CHL1: variants seen among roughly 807,000 people sequenced by gnomAD.
CHL1 encodes the protein cell adhesion molecule L1 like.
A neutral mutation model predicts 141.9 loss-of-function variants in CHL1; 96 were observed. That is an observed-to-expected ratio of 0.68 (90% confidence interval 0.57 to 0.80). The LOEUF (loss-of-function observed/expected upper bound fraction) is 0.80, where lower values mean the gene tolerates loss of function less well. CHL1 is among the 30% of genes least tolerant of loss of function. The pLI, the probability that CHL1 is intolerant of heterozygous loss-of-function variation, is 0.00. For missense variants in CHL1, 1,820 were observed against 1,457.2 expected (o/e 1.25, Z -4.05); for synonymous variants, 613 against 502.2 (o/e 1.22, Z -2.95).
At chr3:304,949 C>G (rs946379420) in intron 2 of CHL1, among the ~76,000 whole-genome samples, 2 of 151,960 alleles carry the variant, frequency 1.3e-5, no homozygotes, top group South Asian at 4.1e-4. Context: ...TTGGTGGGAG[C>G]TTTTATTTTA....
At chr3:215,600 G>A (rs984565478) in intron 1 of CHL1, among the ~76,000 whole-genome samples, 4 of 152,130 alleles carry the variant, frequency 2.6e-5, no homozygotes, top group African/African-American at 4.8e-5. Context: ...ACGGATATGC[G>A]AAAGCCAATG....
In CHL1 at chr3:390,990, A is replaced by G. The variant is rs565605969; in HGVS notation, c.2622A>G (p.Gly874=). The change falls in exon 22 of 28, where the codon GGA becomes GGG. Residue 874 remains glycine, a synonymous_variant. Transcript: ENST00000256509. ...NWWKTKSLLD[G]RTHPKEVNIL... ...GGAAAACAAAAAGTCTGTTGGATGGAAGAACACATCCCAAAGAAGTGAACA... is the reference window on the plus strand; with the variant it reads ...GGAAAACAAAAAGTCTGTTGGATGGGAGAACACATCCCAAAGAAGTGAACA... The G allele has an allele frequency of 6.2e-7, 1 of 1,614,202 alleles. No homozygotes were observed. Among genetic ancestry groups the G allele is most frequent in the Admixed American group, 1.7e-5 (1 of 60,034 alleles).
At position 308,596 on chromosome 3, in the gene CHL1, CTA is replaced by C. The variant is rs1301604524; in HGVS notation, c.-94-11083_-94-11082del. The C allele has an allele frequency of 2.7e-5, 4 of 149,670 alleles. No individual in the cohort carries two copies. In the Admixed American group the frequency reaches 2.7e-4, roughly 10 times the overall value. The allele number at this position is 149,670 out of a possible 1,614,324, so 9.3% of individuals were successfully genotyped here. A position where few individuals can be genotyped will look rare whatever the true frequency, so the allele number is the denominator to read the frequency against. On this transcript the variant is annotated intron_variant, in intron 2 of 27. Transcript: ENST00000256509. ...GGGAGATTATATATATAGATAATAT[CTA>C]TATTATAGAACATATATATGTTATA...
chr3:377,084 A>G (rs1706420692), intron 15 of CHL1, among the ~76,000 whole-genome samples: 1 of 152,216 alleles, frequency 6.6e-6, no homozygotes. Context: ...TACATTTTAA[A>G]TTTTACGGAA....
At chr3:393,224 C>A (rs1559353622) in intron 23 of CHL1, among the ~76,000 whole-genome samples, 1 of 38,652 alleles carries the variant, frequency 2.6e-5, no homozygotes, top group African/African-American at 5.8e-5. Flanking sequence ...CAGAGCCAGA[C>A]TCCGTCTCAA....
chr3:206,901 G>A (rs532338243), intron 1 of CHL1, among the ~76,000 whole-genome samples: 10 of 152,256 alleles, frequency 6.6e-5, no homozygotes, highest in Admixed American at 3.9e-4. Context: ...ATTGCATTTC[G>A]CGGTTGGCAT....
intron 1 of CHL1, among the ~76,000 whole-genome samples, chr3:228,158 G>A (rs568739359): frequency 1.3e-5 from 2 of 152,234 alleles, no homozygotes; most frequent in African/African-American, 4.8e-5. Flanking sequence ...TAATGTTATT[G>A]GAATGTATAG....
At chr3:263,104 C>A (rs933100124) in intron 2 of CHL1, among the ~76,000 whole-genome samples, 2 of 152,190 alleles carry the variant, frequency 1.3e-5, no homozygotes, top group African/African-American at 2.4e-5. Context: ...CTGAAGATTT[C>A]TCTGCTAAAT....
rs1044779852 is a variant in CHL1 at position 382,090 on chromosome 3, C to G, written c.1877-89C>G. 5 of 1,117,526 alleles carry G rather than the reference C, an allele frequency of 4.5e-6. No individual in the cohort carries two copies. The African/African-American group carries it at 4.6e-5, about 10-fold the overall frequency. 69.2% of individuals were successfully genotyped at this position (1,117,526 alleles called of 1,614,324 possible). On this transcript the variant is annotated intron_variant, in intron 16 of 27. Transcript: ENST00000256509. ...GGTCCCTAAGAGGGTGGTACCTCCTCTGTCTCCGGGTAGCTGGCAATGTGT... is the reference window on the plus strand; with the variant it reads ...GGTCCCTAAGAGGGTGGTACCTCCTGTGTCTCCGGGTAGCTGGCAATGTGT...
chr3:391,054 C>G lies in CHL1; in HGVS notation c.2686C>G (p.Pro896Ala). Residue 896 changes from proline (P) to alanine (A), a missense_variant, in exon 22 of 28, where the codon CCT becomes GCT. Physicochemically the swap from Pro to Ala is conservative, Grantham distance 27. Coordinates refer to ENST00000256509, the MANE Select transcript of CHL1 (RefSeq NM_006614.4). ...FSGQRNSGMVPSLDAFSEFHL... is the reference protein window; with the variant it reads ...FSGQRNSGMVASLDAFSEFHL... ...AGGACAAAGAAACTCTGGAATGGTTCCTTCCTTAGATGCCTTTAGTGAATT... is the reference window on the plus strand; with the variant it reads ...AGGACAAAGAAACTCTGGAATGGTTGCTTCCTTAGATGCCTTTAGTGAATT... 1 of 1,613,608 alleles carries G rather than the reference C, an allele frequency of 6.2e-7. No individual in the cohort carries two copies. Among genetic ancestry groups the G allele is most frequent in the Non-Finnish European group, 8.5e-7 (1 of 1,179,510 alleles).
intron 7 of CHL1, 98 bp from the exon 8 acceptor site, chr3:342,886 T>A: frequency 3.4e-6 from 3 of 893,882 alleles, no homozygotes; most frequent in Non-Finnish European, 3.4e-6. Context: ...TACATCATTT[T>A]GTAATTTTTC....
intron 2 of CHL1, among the ~76,000 whole-genome samples, chr3:281,372 T>A (rs1696638253): frequency 1.3e-5 from 2 of 152,174 alleles, no homozygotes; most frequent in South Asian, 4.1e-4. Flanking sequence ...TACTGTGCTA[T>A]CCTCTGGTTC....
chr3:221,042 T>C (rs1468801907), intron 1 of CHL1, among the ~76,000 whole-genome samples: 1 of 152,224 alleles, frequency 6.6e-6, no homozygotes, highest in African/African-American at 2.4e-5. Context: ...CTCCTTGGAC[T>C]AGTTGCCAAT....
chr3:276,625 C>A (rs533212417), intron 2 of CHL1, among the ~76,000 whole-genome samples: 16 of 152,162 alleles, frequency 1.1e-4, no homozygotes, highest in Admixed American at 8.5e-4. Flanking sequence ...CACGGTGGCT[C>A]ACACCTGTAA....
Position 341,913 on chromosome 3 carries a change from A to G in CHL1, c.510A>G (p.Glu170=). The part of the protein sequence containing the change: ...PPLHIYWMNI[E]LEHIEQDERV... ...CAATGGCAAGATATCTCTTTTCAGA[A>G]TTAGAACACATCGAACAAGATGAAA... The change falls in exon 7 of 28, where the codon GAA becomes GAG. Residue 170 remains glutamate, a splice_region_variant and synonymous_variant. Transcript: ENST00000256509. 1.3e-6 allele frequency: 2 copies of G among 1,599,596 alleles called. No individual in the cohort carries two copies. Among genetic ancestry groups the G allele is most frequent in the East Asian group, 2.2e-5 (1 of 44,482 alleles).
chr3:277,669 T>C (rs1033988718), intron 2 of CHL1, among the ~76,000 whole-genome samples: 5 of 152,230 alleles, frequency 3.3e-5, no homozygotes, highest in Admixed American at 2.6e-4. Context: ...ATATTGCGAA[T>C]TCAAGGAAAA....
At chr3:335,508 A>C (rs569596702) in intron 5 of CHL1, among the ~76,000 whole-genome samples, 1 of 152,216 alleles carries the variant, frequency 6.6e-6, no homozygotes, top group African/African-American at 2.4e-5. Flanking sequence ...ATGTGCACTC[A>C]GTAGCATGCA....
intron 1 of CHL1, among the ~76,000 whole-genome samples, chr3:227,638 A>G (rs953596035): frequency 1.3e-5 from 2 of 152,250 alleles, no homozygotes; most frequent in African/African-American, 4.8e-5. Flanking sequence ...ATGCTGACAT[A>G]TCAGAGATGA....
chr3:381,993 A>G (rs775249911), intron 16 of CHL1, among the ~76,000 whole-genome samples, 186 bp from the exon 17 acceptor site: 7 of 136,964 alleles, frequency 5.1e-5, no homozygotes, highest in Non-Finnish European at 6.1e-5. Context: ...AGGGCTAGCT[A>G]GGTGCCTGAA....
Sources: allele counts gnomAD v4.1 joint callset (sites outside exome capture counted in the v4.1 genomes callset), GRCh38; gene constraint gnomAD v4.1.1; transcripts MANE v1.5; gene names NCBI Gene and HGNC (gene_info 2026-07-23, HGNC 2026-07-21).